SCRG1: variants seen among roughly 807,000 people sequenced by gnomAD.
The protein encoded by SCRG1 is scrapie-responsive protein 1.
Under a neutral mutation model 7.7 loss-of-function variants are expected in SCRG1, and 3 were observed. The ratio of observed to expected loss-of-function variants is 0.39; its 90% CI spans 0.18 to 1.01. The LOEUF (loss-of-function observed/expected upper bound fraction) is 1.01, where lower values mean the gene tolerates loss of function less well. Among genes scored for constraint, SCRG1 ranks in the 50% least tolerant of loss-of-function variants. The pLI is 0.36. For synonymous variants in SCRG1, 46 were observed against 41.2 expected (o/e 1.12, Z -0.44); for missense variants, 110 against 117.2 (o/e 0.94, Z 0.28).
At chr4:173,496,609 A>G in the SCRG1 span, among the ~76,000 whole-genome samples, 17 of 152,254 alleles carry the variant, frequency 1.1e-4, no homozygotes, top group Admixed American at 2.6e-4. Context: ...ACTGGTATCA[A>G]CTGAAGCCAC....
chr4:173,509,178 A>G, the SCRG1 span, among the ~76,000 whole-genome samples: 1 of 152,174 alleles, frequency 6.6e-6, no homozygotes, highest in Non-Finnish European at 1.5e-5. The surrounding 1 kb of genome is among the most constrained non-coding windows in gnomAD (Gnocchi z 5.7). Flanking sequence ...CTCTAATCGT[A>G]AATCAAAGCT....
the SCRG1 span, among the ~76,000 whole-genome samples, chr4:173,452,078 T>C: frequency 1.3e-5 from 2 of 152,070 alleles, no homozygotes; most frequent in Non-Finnish European, 2.9e-5. Flanking sequence ...GTGTTGATTG[T>C]CACCATCTTC....
the SCRG1 span, among the ~76,000 whole-genome samples, chr4:173,482,514 A>G: frequency 6.6e-6 from 1 of 152,130 alleles, no homozygotes; most frequent in East Asian, 1.9e-4. Flanking sequence ...CTCTGTCCAA[A>G]AGAATGAGGC....
the SCRG1 span, among the ~76,000 whole-genome samples, chr4:173,454,796 A>G: frequency 3.3e-5 from 5 of 152,236 alleles, no homozygotes; most frequent in African/African-American, 1.2e-4. Context: ...CCTATTGCAC[A>G]TAGAAGACCA....
the SCRG1 span, among the ~76,000 whole-genome samples, chr4:173,421,487 C>A: frequency 6.6e-6 from 1 of 151,992 alleles, no homozygotes; most frequent in Non-Finnish European, 1.5e-5. Flanking sequence ...AGGCATCCAT[C>A]TCCTGGGTCT....
At chr4:173,455,135 C>A in the SCRG1 span, among the ~76,000 whole-genome samples, 4 of 151,940 alleles carry the variant, frequency 2.6e-5, no homozygotes, top group Non-Finnish European at 5.9e-5. Flanking sequence ...GGGTCCTCAG[C>A]GATTCTACGG....
the SCRG1 span, among the ~76,000 whole-genome samples, chr4:173,489,587 ATAG>A: frequency 6.6e-6 from 1 of 152,150 alleles, no homozygotes; most frequent in Non-Finnish European, 1.5e-5. Context: ...TCATCCTAAA[ATAG>A]TAGGCATTCC....
chr4:173,497,827 C>G, the SCRG1 span, among the ~76,000 whole-genome samples: 2 of 151,890 alleles, frequency 1.3e-5, no homozygotes, highest in African/African-American at 4.8e-5. Context: ...CCCACCACCA[C>G]GCCCGGCTAG....
At chr4:173,463,751 C>T in the SCRG1 span, among the ~76,000 whole-genome samples, 8 of 152,154 alleles carry the variant, frequency 5.3e-5, no homozygotes, top group Non-Finnish European at 1.0e-4. Flanking sequence ...ACCAGTGAAA[C>T]CTTTGTGGTT....
chr4:173,518,593 T>C, the SCRG1 span, among the ~76,000 whole-genome samples: 1 of 151,964 alleles, frequency 6.6e-6, no homozygotes, highest in Non-Finnish European at 1.5e-5. Context: ...GCCGCAGGCT[T>C]CCCTGGACTT....
At chr4:173,486,483 C>G in the SCRG1 span, among the ~76,000 whole-genome samples, 2 of 152,120 alleles carry the variant, frequency 1.3e-5, no homozygotes, top group Non-Finnish European at 1.5e-5. Flanking sequence ...TTTAAACTTT[C>G]TGACTCTTCT....
chr4:173,416,322 C>T, the SCRG1 span, among the ~76,000 whole-genome samples: 1 of 152,268 alleles, frequency 6.6e-6, no homozygotes, highest in Admixed American at 6.5e-5. Context: ...CAGATCCTGT[C>T]TGCCATAAGA....
the SCRG1 span, among the ~76,000 whole-genome samples, chr4:173,484,969 T>A: frequency 1.9e-5 from 1 of 53,550 alleles, no homozygotes; most frequent in African/African-American, 7.5e-5. Flanking sequence ...ATATATTATA[T>A]ATAATATTAT....
chr4:173,392,727 T>G lies in SCRG1; in HGVS notation c.-14-1299A>C, dbSNP rs115580890. Among the ~76,000 whole-genome samples, 740 of 152,262 alleles carry G rather than the reference T, an allele frequency of 4.9e-3. 7 individuals are homozygous for G. The highest frequency in any genetic ancestry group is 0.017 in the African/African-American group (692 of 41,534). ...ATTCAGATTTTATCTTGTTAACAGG[T>G]GCCAAAGTATCTTTCCTTCCTTGGA... On this transcript the variant is annotated intron_variant, in intron 1 of 2. Coordinates refer to ENST00000296506, the MANE Select transcript of SCRG1 (RefSeq NM_007281.4).
intron 1 of SCRG1, among the ~76,000 whole-genome samples, chr4:173,396,165 G>T (rs1236323031): frequency 6.6e-6 from 1 of 152,202 alleles, no homozygotes; most frequent in Admixed American, 6.5e-5. Context: ...AACTGAGGAA[G>T]AATTGGAAGG....
chr4:173,450,171 A>G, the SCRG1 span, among the ~76,000 whole-genome samples: 1 of 152,196 alleles, frequency 6.6e-6, no homozygotes, highest in African/African-American at 2.4e-5. Flanking sequence ...GGAAGAAAGC[A>G]AGCACAGGGG....
chr4:173,488,126 T>TA, the SCRG1 span, among the ~76,000 whole-genome samples: 1 of 151,150 alleles, frequency 6.6e-6, no homozygotes, highest in South Asian at 2.1e-4. Context: ...AATAAATAAA[T>TA]AAATAAATTT....
the SCRG1 span, among the ~76,000 whole-genome samples, chr4:173,473,197 A>G: frequency 6.6e-6 from 1 of 152,246 alleles, no homozygotes; most frequent in African/African-American, 2.4e-5. Context: ...TGCCAGGCAT[A>G]TGGCACACAG....
At chr4:173,484,436 C>CATATAATATATAATATATATT in the SCRG1 span, among the ~76,000 whole-genome samples, 50 of 50,558 alleles carry the variant, frequency 9.9e-4, 1 homozygote, top group East Asian at 7.0e-3. Context: ...ATATTATATA[C>CATATAATATATAATATATATT]ATATGATATA....
Sources: allele counts gnomAD v4.1 joint callset (sites outside exome capture counted in the v4.1 genomes callset), GRCh38; gene constraint gnomAD v4.1.1; non-coding constraint Gnocchi (gnomAD v3.1); transcripts MANE v1.5; gene names NCBI Gene and HGNC (gene_info 2026-07-23, HGNC 2026-07-21).